The following STARD9 variants were observed in gnomAD, a reference collection of about 807,000 sequenced individuals.
STARD9 encodes the protein stAR-related lipid transfer protein 9.
STARD9 carries 346 observed loss-of-function variants against 399.8 expected under a neutral mutation model. The observed-to-expected ratio is 0.87, with a 90% confidence interval of 0.79 to 0.95. The LOEUF is 0.95. Among genes scored for constraint, STARD9 ranks in the 40% least tolerant of loss-of-function variants. STARD9 has a pLI of 0.00. For synonymous variants in STARD9, 2,203 were observed against 2,143.5 expected, an observed-to-expected ratio of 1.03 and a Z score of -0.77; for missense variants, 5,832 against 5,667.5, an observed-to-expected ratio of 1.03 and a Z score of -0.93.
intron 26 of STARD9, among the ~76,000 whole-genome samples, chr15:42,716,205 C>G (rs950991222): frequency 6.6e-6 from 1 of 152,150 alleles, no homozygotes; most frequent in Admixed American, 6.5e-5. Context: ...GGACCTTTAG[C>G]TTGGCTGCTG....
chr15:42,661,718 A>G (rs182980698), intron 10 of STARD9, among the ~76,000 whole-genome samples: 7 of 151,766 alleles, frequency 4.6e-5, no homozygotes, highest in African/African-American at 1.7e-4. Context: ...CAGTCTCCCA[A>G]AGTGCTGGGA....
At chr15:42,713,541 A>G (rs955907633) in intron 26 of STARD9, among the ~76,000 whole-genome samples, 1 of 152,104 alleles carries the variant, frequency 6.6e-6, no homozygotes, top group Admixed American at 6.6e-5. Context: ...TTTATAGCTG[A>G]CCTTTATCAG....
intron 3 of STARD9, among the ~76,000 whole-genome samples, chr15:42,623,955 G>A (rs941083302): frequency 5.3e-5 from 8 of 152,216 alleles, no homozygotes; most frequent in Non-Finnish European, 7.3e-5. Flanking sequence ...TTCTAGCTAG[G>A]CTTACAATGG....
intron 21 of STARD9, 78 bp from the exon 22 acceptor site, chr15:42,682,024 GGC>G: frequency 1.0e-6 from 1 of 958,362 alleles, no homozygotes; most frequent in South Asian, 1.6e-5. Context: ...GTCCAGCCAT[GGC>G]TGGAGGTATC....
intron 3 of STARD9, among the ~76,000 whole-genome samples, chr15:42,600,497 A>G (rs1301378117): frequency 6.6e-6 from 1 of 151,234 alleles, no homozygotes; most frequent in African/African-American, 2.4e-5. Flanking sequence ...TGTGTGAGAG[A>G]GAGAGGGTTT....
Position 42,713,099 on chromosome 15 carries a change from T to C in STARD9, c.13285-3578T>C, listed in dbSNP as rs562817938. ...TGAATATGGGATGTCATTGTGTTTA[T>C]TTAGGTTTAATTTCAACAATGTTTC... On this transcript the variant is annotated intron_variant, in intron 26 of 32. Transcript: ENST00000290607. Among the ~76,000 whole-genome samples the C allele has an allele frequency of 4.5e-4, 68 of 152,316 alleles. 1 individual carries two copies. Among genetic ancestry groups the C allele is most frequent in the African/African-American group, 1.5e-3 (61 of 41,562 alleles).
Position 42,601,524 on chromosome 15 carries a change from C to T in STARD9, c.234+15887C>T, listed in dbSNP as rs1290893501. ...CCACCTCCCGGATGGGGCGGCTGGC[C>T]GGGCGGGGGCTGCCCCCCACCTCCC... On this transcript the variant is annotated intron_variant, in intron 3 of 32. Transcript: ENST00000290607. Among the ~76,000 whole-genome samples the T allele has an allele frequency of 3.2e-3, 477 of 147,058 alleles. 1 individual carries two copies. Among genetic ancestry groups the T allele is most frequent in the African/African-American group, 0.011 (440 of 38,592 alleles).
intron 9 of STARD9, among the ~76,000 whole-genome samples, chr15:42,653,465 C>G (rs1441919662): frequency 6.6e-6 from 1 of 152,148 alleles, no homozygotes; most frequent in East Asian, 1.9e-4. Context: ...ACAAAGAGAT[C>G]CACACCTAGA....
chr15:42,680,100 C>T (rs1319913488), intron 20 of STARD9, among the ~76,000 whole-genome samples: 1 of 152,188 alleles, frequency 6.6e-6, no homozygotes, highest in African/African-American at 2.4e-5. Flanking sequence ...ATTCTGTGCC[C>T]ATCCTGGGGT....
rs575239509 is a variant in STARD9 at position 42,673,660 on chromosome 15, C to G, written c.1498-780C>G. 3.9e-5 allele frequency among the ~76,000 whole-genome samples: 6 copies of G among 152,232 alleles called. No individual in the cohort carries two copies. The East Asian group carries it at 1.2e-3, about 29-fold the overall frequency. ...TTTGTATAAAGTACTCAGCATAATGCCTAGGACATATTGAATAGTCAATAA... is the reference window on the plus strand; with the variant it reads ...TTTGTATAAAGTACTCAGCATAATGGCTAGGACATATTGAATAGTCAATAA... On this transcript the variant is annotated intron_variant, in intron 16 of 32. Transcript: ENST00000290607.
In STARD9 at chr15:42,690,441, C is replaced by G. The variant is rs1019587709; in HGVS notation, c.8863C>G (p.Gln2955Glu). The change falls in exon 23 of 33, where the codon CAG (glutamine) becomes GAG (glutamate). Residue 2955 changes from glutamine (Q) to glutamate (E), a missense_variant. Coordinates refer to ENST00000290607, the MANE Select transcript of STARD9 (RefSeq NM_020759.3). ...AGAGAGCAGAACTCTTCCTTGCCGA[C>G]AGCCATGCAGTTCTCAACCTGTTGC... ...GKESRTLPCRQPCSSQPVATH... is the reference protein window; with the variant it reads ...GKESRTLPCREPCSSQPVATH... The G allele has an allele frequency of 1.3e-6, 2 of 1,537,120 alleles. No individual in the cohort carries two copies. The highest frequency in any genetic ancestry group is 2.7e-5 in the African/African-American group (2 of 73,064).
intron 3 of STARD9, among the ~76,000 whole-genome samples, chr15:42,607,211 T>TTTTTG (rs2058747092): frequency 7.5e-6 from 1 of 133,810 alleles, no homozygotes; most frequent in Non-Finnish European, 1.6e-5. Flanking sequence ...TTTTTTTTTT[T>TTTTTG]TTTTTTTTTA....
chr15:42,692,751 G>T lies in STARD9; in HGVS notation c.11173G>T (p.Asp3725Tyr), dbSNP rs1239553547. 2 of 1,537,030 alleles carry T rather than the reference G, an allele frequency of 1.3e-6. No individual in the cohort carries two copies. The highest frequency in any genetic ancestry group is 2.7e-5 in the African/African-American group (2 of 73,006). Residue 3725 changes from aspartate to tyrosine, a missense_variant, in exon 23 of 33, where the codon GAT becomes TAT. Asp to Tyr is a radical substitution (Grantham distance 160, BLOSUM62 -3). Transcript: ENST00000290607. ...PDKAPQALMM[D>Y]GSTQTTVDEG... The stretch of plus-strand genomic sequence containing the variant: ...TAAAGCCCCACAGGCCCTGATGATG[G>T]ATGGCTCTACTCAGACCACTGTGGA...
chr15:42,614,190 A>C (rs1340199338), intron 3 of STARD9, among the ~76,000 whole-genome samples: 1 of 151,320 alleles, frequency 6.6e-6, no homozygotes, highest in Non-Finnish European at 1.5e-5. Context: ...GGGCGCCTGT[A>C]CTCCCAATTA....
At position 42,661,223 on chromosome 15, in the gene STARD9, C is replaced by A; in HGVS notation, c.768C>A (p.Gly256=). 1 of 1,534,534 alleles carries A rather than the reference C, an allele frequency of 6.5e-7. No homozygotes were observed. The highest frequency in any genetic ancestry group is 8.7e-7 in the Non-Finnish European group (1 of 1,144,548). The change falls in exon 10 of 33, where the codon GGC becomes GGA. Residue 256 remains glycine (G), a splice_region_variant and synonymous_variant. Transcript: ENST00000290607. ...ASKINLVDLA[G]SERADPSYCK... ...AGATCAACCTTGTGGACCTAGCAGG[C>A]AGGTAATTAGGATTTTAAAGCTAAG...
chr15:42,588,826 G>A lies in STARD9; in HGVS notation c.234+3189G>A, dbSNP rs1187826505. 1.8e-5 allele frequency among the ~76,000 whole-genome samples: 2 copies of A among 111,800 alleles called. 1 individual carries two copies. Among genetic ancestry groups the A allele is most frequent in the Non-Finnish European group, 3.5e-5 (2 of 57,148 alleles). 73.3% of individuals were successfully genotyped at this position (111,800 alleles called of 152,430 possible). ...TTTTTTTTTTTTTTTGGAGTGGGGG[G>A]TGGGGGTGTGTGGACAGAGTCTTAG... is the stretch of plus-strand genomic sequence containing the variant. On this transcript the variant is annotated intron_variant, in intron 3 of 32. Coordinates refer to ENST00000290607, the MANE Select transcript of STARD9 (RefSeq NM_020759.3).
At chr15:42,590,201 G>A (rs765680209) in intron 3 of STARD9, among the ~76,000 whole-genome samples, 23 of 151,416 alleles carry the variant, frequency 1.5e-4, no homozygotes, top group Non-Finnish European at 2.2e-4. Context: ...GGGCTCAAAC[G>A]ATCTGCCTGC....
At position 42,688,093 on chromosome 15, in the gene STARD9, G is replaced by T. The variant is rs375443768; in HGVS notation, c.6515G>T (p.Gly2172Val). 2.6e-6 allele frequency: 4 copies of T among 1,537,344 alleles called. No individual in the cohort carries two copies. The highest frequency in any genetic ancestry group is 3.5e-6 in the Non-Finnish European group (4 of 1,146,962). ...GTGAGAGAGCACACCCACCCAGCTG[G>T]ATCGGACAGACCTGCCAGGGATATT... ...EPVREHTHPA[G>V]SDRPARDICD... Residue 2172 changes from glycine to valine, a missense_variant, in exon 23 of 33, where the codon GGA (glycine) becomes GTA (valine). Gly to Val is a moderately radical substitution (Grantham distance 109, BLOSUM62 -3). Coordinates refer to ENST00000290607, the MANE Select transcript of STARD9 (RefSeq NM_020759.3).
chr15:42,716,595 G>C, intron 26 of STARD9, 82 bp from the exon 27 acceptor site: 1 of 858,240 alleles, frequency 1.2e-6, no homozygotes, highest in South Asian at 1.5e-5. Flanking sequence ...CCCACTGGAA[G>C]CTGTGAGATG....
Sources: gnomAD v4.1 joint callset for allele counts (sites outside exome capture counted in the v4.1 genomes callset) on GRCh38, gnomAD v4.1.1 for gene constraint, MANE v1.5 for transcripts, NCBI Gene and HGNC (gene_info 2026-07-23, HGNC 2026-07-21) for gene names.